Variants in DCLK3 observed in about 807,000 individuals in gnomAD.
The protein encoded by DCLK3 is serine/threonine-protein kinase DCLK3.
Under a neutral mutation model 46.4 loss-of-function variants are expected in DCLK3, and 30 were observed. The observed-to-expected ratio is 0.65, with a 90% CI of 0.48 to 0.88. The LOEUF is 0.88. DCLK3 is among the 40% of genes least tolerant of loss of function. DCLK3 has a pLI of 0.00. For synonymous variants in DCLK3, 401 were observed against 339.2 expected (o/e 1.18, Z -2.00); for missense variants, 846 against 907.1 (o/e 0.93, Z 0.87).
At chr3:36,724,555 G>T (rs1407337525) in intron 2 of DCLK3, among the ~76,000 whole-genome samples, 1 of 152,066 alleles carries the variant, frequency 6.6e-6, no homozygotes, top group African/African-American at 2.4e-5. Flanking sequence ...ATGGGGGCGG[G>T]TCTTTCCTGT....
chr3:36,724,420 G>A (rs186753068), intron 2 of DCLK3, among the ~76,000 whole-genome samples: 8 of 152,316 alleles, frequency 5.3e-5, no homozygotes, highest in African/African-American at 1.9e-4. Flanking sequence ...GAGGACATGA[G>A]ATTTGGGAGG....
intron 2 of DCLK3, among the ~76,000 whole-genome samples, chr3:36,730,053 C>A (rs1280258985): frequency 6.6e-6 from 1 of 152,018 alleles, no homozygotes; most frequent in Admixed American, 6.6e-5. Context: ...GTGGTTTATA[C>A]CTGTGGTCCC....
intron 2 of DCLK3, among the ~76,000 whole-genome samples, chr3:36,727,045 G>T (rs1701132416): frequency 6.6e-6 from 1 of 152,158 alleles, no homozygotes; most frequent in African/African-American, 2.4e-5. Flanking sequence ...TACTTTGGGA[G>T]GCTTAGGCAT....
chr3:36,748,697 C>A (rs1312652969), intron 1 of DCLK3, among the ~76,000 whole-genome samples: 1 of 152,136 alleles, frequency 6.6e-6, no homozygotes, highest in South Asian at 2.1e-4. Context: ...AGGCCTCGGA[C>A]CTGCCAGCGA....
rs1258680999 is a variant in DCLK3 at position 36,714,175 on chromosome 3, T to G, written c.*1153A>C. 6.6e-6 allele frequency: 1 copy of G among 152,254 alleles called. No homozygotes were observed. The highest frequency in any genetic ancestry group is 1.5e-5 in the Non-Finnish European group (1 of 68,050). 9.4% of individuals were successfully genotyped at this position (152,254 alleles called of 1,614,324 possible). On this transcript the variant is annotated 3_prime_UTR_variant, in exon 5 of 5. Transcript: ENST00000636136. ...TGTGCTTCTTCCATTTTCCAAAACC[T>G]GATTAAGCAATTCCTTATGTTGAAT...
intron 1 of DCLK3, among the ~76,000 whole-genome samples, chr3:36,746,103 T>A (rs1701391426): frequency 6.6e-6 from 1 of 152,226 alleles, no homozygotes; most frequent in South Asian, 2.1e-4. Context: ...GACTGAGACA[T>A]CAGAAACAAA....
chr3:36,720,165 A>G (rs1038846058), intron 3 of DCLK3, among the ~76,000 whole-genome samples: 4 of 152,160 alleles, frequency 2.6e-5, no homozygotes, highest in Non-Finnish European at 5.9e-5. Flanking sequence ...TAGTTCACTT[A>G]GGATCTGGTT....
At chr3:36,726,657 T>A (rs1207404053) in intron 2 of DCLK3, among the ~76,000 whole-genome samples, 1 of 152,084 alleles carries the variant, frequency 6.6e-6, no homozygotes, top group Non-Finnish European at 1.5e-5. Flanking sequence ...TGAGCTTACA[T>A]CTCCATAAGC....
rs1239224126 is a variant in DCLK3 at position 36,737,791 on chromosome 3, G to A, written c.1376C>T (p.Thr459Ile). 6.2e-7 allele frequency: 1 copy of A among 1,613,906 alleles called. No individual in the cohort carries two copies. Among genetic ancestry groups the A allele is most frequent in the Non-Finnish European group, 8.5e-7 (1 of 1,180,032 alleles). Residue 459 changes from threonine (T) to isoleucine (I), a missense_variant, in exon 2 of 5, where the codon ACC becomes ATC. This residue lies in a region of DCLK3 where 553 missense variants were observed against 543.0 expected (regional missense o/e 1.02). Transcript: ENST00000636136. This position sits in a 1 kb window ranked among gnomAD's most constrained non-coding sequence, Gnocchi z 4.4. ...HQAGFEKLRR[T>I]RGEEKEAEKE... ...CTCTGCCTCCTTCTCTTCTCCTCGG[G>A]TCCTGCGGAGCTTCTCAAAGCCCGC...
intron 1 of DCLK3, among the ~76,000 whole-genome samples, chr3:36,760,200 C>A (rs1053182936): frequency 6.6e-6 from 1 of 152,178 alleles, no homozygotes. Context: ...CTGAACCCTC[C>A]CCATCATCTC....
At chr3:36,760,109 A>G (rs1368950304) in intron 1 of DCLK3, among the ~76,000 whole-genome samples, 1 of 152,076 alleles carries the variant, frequency 6.6e-6, no homozygotes, top group African/African-American at 2.4e-5. Flanking sequence ...TCCATTATCT[A>G]CCCAGTAGGA....
At position 36,738,863 on chromosome 3, in the gene DCLK3, G is replaced by C. The variant is rs760832832; in HGVS notation, c.304C>G (p.Leu102Val). 1 of 539,880 alleles carries C rather than the reference G, an allele frequency of 1.9e-6. No homozygotes were observed. Among genetic ancestry groups the C allele is most frequent in the Non-Finnish European group, 2.8e-6 (1 of 351,696 alleles). 33.4% of individuals were successfully genotyped at this position (539,880 alleles called of 1,614,324 possible). The change falls in exon 2 of 5, where the codon CTG (leucine) becomes GTG (valine). Residue 102 changes from leucine to valine, a missense_variant. By Grantham distance (32) the Leu-to-Val change is conservative (BLOSUM62 1). This residue lies in a region of DCLK3 where 553 missense variants were observed against 543.0 expected (regional missense o/e 1.02). Transcript: ENST00000636136. The part of the protein sequence containing the change: ...LKPRVVTVVK[L>V]GGQRPRKITL... ...ATCTTTCGGGGGCGCTGCCCACCCA[G>C]CTTCACTACGGTCACGACCCTGGGC...
At chr3:36,731,367 T>A (rs970589809) in intron 2 of DCLK3, among the ~76,000 whole-genome samples, 3 of 151,822 alleles carry the variant, frequency 2.0e-5, no homozygotes, top group Non-Finnish European at 4.4e-5. Flanking sequence ...TGCTGTCATA[T>A]CTCCCAACTT....
rs910409733 is a variant in DCLK3, at chr3:36,753,981, G to A, written c.82+10201C>T. Among the ~76,000 whole-genome samples, 3 of 152,258 alleles carry A rather than the reference G, an allele frequency of 2.0e-5. No individual in the cohort carries two copies. In the East Asian group the frequency reaches 5.8e-4, roughly 29 times the overall value. On this transcript the variant is annotated intron_variant, in intron 1 of 4. Transcript: ENST00000636136. ...AGGTGTGAGTCACGATGCCCAGCCT[G>A]TTCCCCACTTCTTAATATGAGTATG...
intron 3 of DCLK3, among the ~76,000 whole-genome samples, chr3:36,721,054 C>T (rs1220579042): frequency 6.6e-6 from 1 of 152,194 alleles, no homozygotes; most frequent in Non-Finnish European, 1.5e-5. Context: ...TGGATCCTTG[C>T]ATAATATACA....
chr3:36,715,544 A>G, intron 4 of DCLK3, 23 bp from the exon 5 acceptor site: 1 of 1,513,612 alleles, frequency 6.6e-7, no homozygotes, highest in Non-Finnish European at 8.8e-7. Context: ...GAGAAGGGGA[A>G]AATGTGATGA....
intron 1 of DCLK3, among the ~76,000 whole-genome samples, chr3:36,747,438 G>A (rs983993534): frequency 6.6e-6 from 1 of 150,930 alleles, no homozygotes; most frequent in African/African-American, 2.4e-5. Flanking sequence ...GGGAAAAAAG[G>A]TATATATATA....
rs114886254 is a variant in DCLK3, at chr3:36,749,649, G to A, written c.83-10565C>T. Reference sequence around the variant, plus strand: ...CTCTCACACCTCGTTTACCAGATGAGGGGTCAGTCTAATAAATGAGATCTG... The same window carrying A: ...CTCTCACACCTCGTTTACCAGATGAAGGGTCAGTCTAATAAATGAGATCTG... On this transcript the variant is annotated intron_variant, in intron 1 of 4. Transcript: ENST00000636136. 2.5e-3 allele frequency among the ~76,000 whole-genome samples: 382 copies of A among 152,294 alleles called. 5 individuals are homozygous for A. Among genetic ancestry groups the A allele is most frequent in the East Asian group, 0.016 (81 of 5,180 alleles).
At position 36,715,300 on chromosome 3, in the gene DCLK3, G is replaced by C. The variant is rs149109120; in HGVS notation, c.*28C>G. On this transcript the variant is annotated 3_prime_UTR_variant, in exon 5 of 5. Coordinates refer to ENST00000636136, the MANE Select transcript of DCLK3 (RefSeq NM_001394672.2). ...TTTTCTCTGTCCTTGAGCAGAACTG[G>C]GGGCTGGACAGATTCCCAAGGTGGT... 809 of 1,612,802 alleles carry C rather than the reference G, an allele frequency of 5.0e-4. 3 individuals are homozygous for C. The African/African-American group carries it at 6.4e-3, about 13-fold the overall frequency.
Sources: allele counts gnomAD v4.1 joint callset (sites outside exome capture counted in the v4.1 genomes callset), GRCh38; gene constraint gnomAD v4.1.1; regional missense constraint gnomAD v4.1.1; non-coding constraint Gnocchi (gnomAD v3.1); transcripts MANE v1.5; gene names NCBI Gene and HGNC (gene_info 2026-07-23, HGNC 2026-07-21).